SRBD1: variants seen among roughly 807,000 people sequenced by gnomAD.
SRBD1 encodes S1 RNA binding domain 1, also known as S1 RNA-binding domain-containing protein 1.
In SRBD1, 88 loss-of-function variants were observed where a neutral mutation model predicts 115.3. That is an observed-to-expected ratio of 0.76 (90% CI 0.64 to 0.91). The LOEUF is 0.91. SRBD1 is among the 40% of genes least tolerant of loss of function. The pLI, the probability that SRBD1 is intolerant of heterozygous loss-of-function variation, is 0.00. For synonymous variants in SRBD1, 509 were observed against 407.7 expected (o/e 1.25, Z -2.99); for missense variants, 1,385 against 1,177.4 (o/e 1.18, Z -2.58).
chr2:45,585,593 T>C lies in SRBD1; in HGVS notation c.815+15A>G, dbSNP rs776015293. 1 of 1,602,982 alleles carries C rather than the reference T, an allele frequency of 6.2e-7. No individual in the cohort carries two copies. Among genetic ancestry groups the C allele is most frequent in the Non-Finnish European group, 8.5e-7 (1 of 1,177,274 alleles). ...TTCCCCTTACACTAGGCTTATTCTTTTTTAGGTTTCTTACCGTAGCTCTTC... is the reference window on the plus strand; with the variant it reads ...TTCCCCTTACACTAGGCTTATTCTTCTTTAGGTTTCTTACCGTAGCTCTTC... On this transcript the variant is annotated intron_variant, in intron 5 of 20. Transcript: ENST00000263736.
chr2:45,432,367 T>C (rs1041678234), intron 16 of SRBD1, among the ~76,000 whole-genome samples: 4 of 152,120 alleles, frequency 2.6e-5, no homozygotes, highest in Non-Finnish European at 4.4e-5. Context: ...ATCTATTTGG[T>C]GGAAGGAATA....
intron 18 of SRBD1, among the ~76,000 whole-genome samples, chr2:45,417,291 AG>A (rs1369681452): frequency 9.2e-5 from 14 of 152,214 alleles, no homozygotes; most frequent in Admixed American, 2.0e-4. Flanking sequence ...GTGGGACTAC[AG>A]CTTCCTTCAC....
Position 45,399,763 on chromosome 2 carries a change from A to G in SRBD1, c.2514-6634T>C, listed in dbSNP as rs1204443354. Among the ~76,000 whole-genome samples the G allele has an allele frequency of 2.6e-5, 4 of 152,156 alleles. No homozygotes were observed. The East Asian group carries it at 7.7e-4, about 29-fold the overall frequency. ...TTTGGCTCTTTTTGAATTTCTGAAT[A>G]AGAGTTGGACAAAATTAAGTTAGTG... is the stretch of plus-strand genomic sequence containing the variant. On this transcript the variant is annotated intron_variant, in intron 19 of 20. Transcript: ENST00000263736.
At chr2:45,546,400 C>G in intron 14 of SRBD1, 2 of 935,316 alleles carry the variant, frequency 2.1e-6, no homozygotes, top group Non-Finnish European at 2.5e-6. Context: ...AGTCTACTAG[C>G]TGCTAGCCTG....
At chr2:45,458,675 A>G (rs530089246) in intron 16 of SRBD1, among the ~76,000 whole-genome samples, 1 of 152,182 alleles carries the variant, frequency 6.6e-6, no homozygotes, top group Non-Finnish European at 1.5e-5. Context: ...TTTTGAAAAC[A>G]GAATGCTTTT....
chr2:45,509,767 C>T (rs1670911360), intron 14 of SRBD1, among the ~76,000 whole-genome samples: 2 of 152,194 alleles, frequency 1.3e-5, no homozygotes, highest in African/African-American at 2.4e-5. Flanking sequence ...CAGGGTCTCA[C>T]TCTGCTGCCC....
At chr2:45,583,818 T>C (rs967352408) in intron 5 of SRBD1, among the ~76,000 whole-genome samples, 1 of 152,188 alleles carries the variant, frequency 6.6e-6, no homozygotes, top group African/African-American at 2.4e-5. Flanking sequence ...ATGCCCCCAC[T>C]TACTTCAAGG....
chr2:45,419,906 A>G lies in SRBD1; in HGVS notation c.2050-12T>C, dbSNP rs377110890. 8.7e-6 allele frequency: 14 copies of G among 1,603,644 alleles called. No homozygotes were observed. The highest frequency in any genetic ancestry group is 8.5e-6 in the Non-Finnish European group (10 of 1,172,804). ...TGGGATACGTCATGCTGAAAAGACA[A>G]AGATCAAATATTAACAGTGAAGGAG... On this transcript the variant is annotated splice_polypyrimidine_tract_variant and intron_variant, in intron 16 of 20. Coordinates refer to ENST00000263736, the MANE Select transcript of SRBD1 (RefSeq NM_018079.5).
At chr2:45,398,957 C>G (rs1433540119) in intron 19 of SRBD1, among the ~76,000 whole-genome samples, 2 of 151,952 alleles carry the variant, frequency 1.3e-5, no homozygotes, top group African/African-American at 4.8e-5. Context: ...TATTATTGCT[C>G]CAAAGACATC....
chr2:45,553,201 C>T (rs112349931), intron 11 of SRBD1, among the ~76,000 whole-genome samples: 79 of 152,252 alleles, frequency 5.2e-4, no homozygotes, highest in African/African-American at 1.4e-3. Context: ...TTCACATTGC[C>T]ATTTTAATAA....
At position 45,559,575 on chromosome 2, in the gene SRBD1, A is replaced by G. The variant is rs147832808; in HGVS notation, c.1409+3078T>C. Among the ~76,000 whole-genome samples the G allele has an allele frequency of 2.8e-3, 424 of 152,328 alleles. 5 individuals are homozygous for G. Among genetic ancestry groups the G allele is most frequent in the African/African-American group, 9.6e-3 (398 of 41,570 alleles). On this transcript the variant is annotated intron_variant, in intron 10 of 20. Transcript: ENST00000263736. ...TCTAATTTACAGGGGAATCTCCAAAATCTAGCACATAACTTGAATGGATAA... is the reference window on the plus strand; with the variant it reads ...TCTAATTTACAGGGGAATCTCCAAAGTCTAGCACATAACTTGAATGGATAA...
intron 14 of SRBD1, chr2:45,546,222 C>T (rs1034678380): frequency 1.0e-6 from 1 of 985,290 alleles, no homozygotes; most frequent in African/African-American, 1.7e-5. Flanking sequence ...AAGCTATTCA[C>T]AAGTTATCTG....
intron 19 of SRBD1, among the ~76,000 whole-genome samples, chr2:45,394,505 A>G (rs962311561): frequency 9.2e-5 from 14 of 152,198 alleles, no homozygotes; most frequent in Non-Finnish European, 1.9e-4. Flanking sequence ...AAAGAGAAAA[A>G]GGGAATTGTT....
intron 5 of SRBD1, among the ~76,000 whole-genome samples, chr2:45,583,450 T>C (rs1475763936): frequency 2.0e-5 from 3 of 152,192 alleles, no homozygotes; most frequent in African/African-American, 4.8e-5. Flanking sequence ...TACAGAAAAC[T>C]TTTCTTACTA....
intron 14 of SRBD1, among the ~76,000 whole-genome samples, chr2:45,495,440 T>C (rs558583735): frequency 1.2e-4 from 19 of 152,312 alleles, no homozygotes; most frequent in South Asian, 2.1e-4. Flanking sequence ...TAAGCAGAAA[T>C]TGTTTCCCCT....
intron 4 of SRBD1, among the ~76,000 whole-genome samples, chr2:45,588,935 G>C (rs1323747766): frequency 2.6e-5 from 4 of 152,118 alleles, no homozygotes; most frequent in Admixed American, 2.6e-4. Flanking sequence ...GTAATCAAAA[G>C]CATTCTAATC....
intron 9 of SRBD1, among the ~76,000 whole-genome samples, chr2:45,571,780 T>C (rs1466147787): frequency 1.3e-5 from 2 of 151,554 alleles, no homozygotes; most frequent in African/African-American, 4.9e-5. Context: ...AACAGCAAAT[T>C]TGAATACAAA....
chr2:45,568,872 G>A (rs763223725), intron 9 of SRBD1, among the ~76,000 whole-genome samples: 1 of 152,188 alleles, frequency 6.6e-6, no homozygotes, highest in African/African-American at 2.4e-5. Context: ...TGTTATACCT[G>A]TATCAGTAGA....
intron 10 of SRBD1, among the ~76,000 whole-genome samples, chr2:45,561,204 C>T (rs1344418838): frequency 2.0e-5 from 3 of 152,178 alleles, no homozygotes; most frequent in East Asian, 1.9e-4. Context: ...TAAATAAATG[C>T]TAATTGTAAA....
Sources: gnomAD v4.1 joint callset for allele counts (sites outside exome capture counted in the v4.1 genomes callset) on GRCh38, gnomAD v4.1.1 for gene constraint, MANE v1.5 for transcripts, NCBI Gene and HGNC (gene_info 2026-07-23, HGNC 2026-07-21) for gene names.